Variants in DCTN1 observed in about 807,000 individuals in gnomAD.
DCTN1 encodes the protein 150 kDa dynein-associated polypeptide.
DCTN1 carries 61 observed loss-of-function variants against 161.2 expected under a neutral mutation model. The observed-to-expected ratio is 0.38, with a 90% CI of 0.31 to 0.47. The LOEUF is 0.47. Among genes scored for constraint, DCTN1 ranks in the 20% least tolerant of loss-of-function variants. The pLI, the probability that DCTN1 is intolerant of heterozygous loss-of-function variation, is 0.99. For missense variants in DCTN1, 1,404 were observed against 1,623.7 expected (o/e 0.86, Z 2.33); for synonymous variants, 653 against 632.4 (o/e 1.03, Z -0.49).
At chr2:74,391,782 G>T (rs1472698338) in intron 1 of DCTN1, 1 of 453,498 alleles carries the variant, frequency 2.2e-6, no homozygotes, top group Non-Finnish European at 4.4e-6. Flanking sequence ...TGGCAGAGTC[G>T]CGCCTCCGTA....
intron 16 of DCTN1, 114 bp downstream of exon 16, chr2:74,368,614 A>T: frequency 6.9e-7 from 1 of 1,443,644 alleles, no homozygotes; most frequent in African/African-American, 1.4e-5. Flanking sequence ...TTCCTCCACT[A>T]TACCATAAAC....
At chr2:74,389,984 T>G (rs948349032) in intron 1 of DCTN1, among the ~76,000 whole-genome samples, 2 of 152,202 alleles carry the variant, frequency 1.3e-5, no homozygotes, top group Non-Finnish European at 2.9e-5. Context: ...TACACCCATC[T>G]GCCCGACATC....
At position 74,371,083 on chromosome 2, in the gene DCTN1, C is replaced by A. The variant is rs759719326; in HGVS notation, c.739G>T (p.Glu247Ter). 1 of 1,614,228 alleles carries A rather than the reference C, an allele frequency of 6.2e-7. No individual in the cohort carries two copies. Among genetic ancestry groups the A allele is most frequent in the South Asian group, 1.1e-5 (1 of 91,084 alleles). ...KRAEDKAKLK[E>*]LEKHKIQLEQ... Reference sequence around the variant, plus strand: ...AGCTGGATTTTGTGTTTCTCCAGCTCTTTTAGCTTTGCTTTGTCTTCTGCC... The same window carrying A: ...AGCTGGATTTTGTGTTTCTCCAGCTATTTTAGCTTTGCTTTGTCTTCTGCC... Residue 247 changes from glutamate to a stop codon, truncating the protein, a stop_gained, in exon 9 of 32, where the codon GAG becomes TAG. Coordinates refer to ENST00000628224, the MANE Select transcript of DCTN1 (RefSeq NM_004082.5). LOFTEE classifies it high-confidence loss of function.
intron 1 of DCTN1, chr2:74,385,590 C>T (rs1454643629): frequency 1.3e-5 from 2 of 152,234 alleles, no homozygotes; most frequent in African/African-American, 4.8e-5. Context: ...GCCGGCCACT[C>T]CCCAAAAGCA....
At chr2:74,372,081 C>T (rs1394052145) in intron 7 of DCTN1, 3 of 328,162 alleles carry the variant, frequency 9.1e-6, no homozygotes, top group Non-Finnish European at 1.8e-5. Flanking sequence ...CCCTAGAACC[C>T]CCATCTATGA....
Position 74,365,621 on chromosome 2 carries a change from G to C in DCTN1, c.2923C>G (p.Leu975Val). Residue 975 changes from leucine to valine, a missense_variant, in exon 25 of 32, where the codon CTC becomes GTC. Leu to Val is a conservative substitution (Grantham distance 32, BLOSUM62 1). Coordinates refer to ENST00000628224, the MANE Select transcript of DCTN1 (RefSeq NM_004082.5). ...GCACTGTCCAACTTCTTCTCCAGGA[G>C]GCTCAGCCGCACATTGGCCTCACTT... ...ELSEANVRLS[L>V]LEKKLDSAAK... 6.2e-7 allele frequency: 1 copy of C among 1,614,138 alleles called. No individual in the cohort carries two copies. The highest frequency in any genetic ancestry group is 8.5e-7 in the Non-Finnish European group (1 of 1,180,034).
At chr2:74,380,504 C>T (rs1191101680), upstream of DCTN1, 2 of 473,864 alleles carry the variant, frequency 4.2e-6, no homozygotes, top group Admixed American at 4.7e-5. Flanking sequence ...CTCACCATCA[C>T]TGTTCCCCTC....
At chr2:74,380,387 C>T, upstream of DCTN1, 1 of 507,240 alleles carries the variant, frequency 2.0e-6, no homozygotes. Context: ...TCACGTGGGC[C>T]AGAAACTAAG....
rs759266125 is a variant in DCTN1, at chr2:74,366,540, G to C, written c.2547C>G (p.Ala849=). The change falls in exon 22 of 32, where the codon GCC becomes GCG. Residue 849 remains alanine, a synonymous_variant. Transcript: ENST00000628224. Reference sequence around the variant, plus strand: ...TCTCTGCCAGTGGGGCAATGAGCTGGGCAGCAGCAGCTGCCACCTCCTGCA... The same window carrying C: ...TCTCTGCCAGTGGGGCAATGAGCTGCGCAGCAGCAGCTGCCACCTCCTGCA... ...AVLQEVAAAA[A]QLIAPLAENE... is the part of the protein sequence containing the mutation. 6.2e-7 allele frequency: 1 copy of C among 1,613,896 alleles called. No individual in the cohort carries two copies. Among genetic ancestry groups the C allele is most frequent in the East Asian group, 2.2e-5 (1 of 44,896 alleles).
At chr2:74,382,563 T>C (rs144599487), upstream of DCTN1, among the ~76,000 whole-genome samples, 93 of 140,878 alleles carry the variant, frequency 6.6e-4, no homozygotes, top group African/African-American at 2.4e-3. Flanking sequence ...GTCGCACCAC[T>C]GCACTCCAGC....
rs1674474107 is a variant in DCTN1, at chr2:74,367,077, C to T, written c.2284G>A (p.Val762Met). 1 of 1,614,256 alleles carries T rather than the reference C, an allele frequency of 6.2e-7. No individual in the cohort carries two copies. The highest frequency in any genetic ancestry group is 8.5e-7 in the Non-Finnish European group (1 of 1,180,052). The change falls in exon 20 of 32, where the codon GTG becomes ATG. Residue 762 changes from valine (V) to methionine (M), a missense_variant. Physicochemically the swap from Val to Met is conservative, Grantham distance 21. Around this residue, in one of 9 missense-constraint regions of DCTN1, gnomAD observed 475 missense variants for 489.8 expected, o/e 0.97. Transcript: ENST00000628224. Reference sequence around the variant, plus strand: ...AAGGCACGCAGCCGTCCTACCTCCACACTCATGCAGTCCAGAGCACTCTGC... The same window carrying T: ...AAGGCACGCAGCCGTCCTACCTCCATACTCATGCAGTCCAGAGCACTCTGC... ...FTQSALDCMSVEVGRLRAFLQ... is the reference protein window; with the variant it reads ...FTQSALDCMSMEVGRLRAFLQ...
chr2:74,373,232 C>A (rs984706022), intron 6 of DCTN1: 13 of 510,796 alleles, frequency 2.5e-5, no homozygotes, highest in African/African-American at 2.3e-4. Context: ...AGAAGTCCAT[C>A]TCTAGGCTGA....
intron 26 of DCTN1, chr2:74,364,543 A>C (rs1208545494): frequency 5.4e-6 from 1 of 185,710 alleles, no homozygotes; most frequent in African/African-American, 2.4e-5. Context: ...CTAGGTGAGG[A>C]GCCCTGACTA....
In DCTN1 at chr2:74,377,991, C is replaced by T. The variant is rs371652496; in HGVS notation, c.279+9G>A. On this transcript the variant is annotated intron_variant, in intron 2 of 31. Coordinates refer to ENST00000628224, the MANE Select transcript of DCTN1 (RefSeq NM_004082.5). ...CACATGCACAGACACAAAAGAAGGG[C>T]GTGAATACCTGGGACTGGCGCACAA... 14 of 1,613,874 alleles carry T rather than the reference C, an allele frequency of 8.7e-6. No homozygotes were observed. Among genetic ancestry groups the T allele is most frequent in the South Asian group, 5.5e-5 (5 of 91,044 alleles).
chr2:74,380,634 C>A, upstream of DCTN1: 1 of 463,518 alleles, frequency 2.2e-6, no homozygotes, highest in South Asian at 1.6e-5. Flanking sequence ...TTCTGGTGCT[C>A]TTCTCTCTCC....
In DCTN1 at chr2:74,370,338, C is replaced by A; in HGVS notation, c.1135G>T (p.Asp379Tyr). The change falls in exon 12 of 32, where the codon GAT becomes TAT. Residue 379 changes from aspartate (D) to tyrosine (Y), a missense_variant. Physicochemically the swap from Asp to Tyr is radical, Grantham distance 160. Coordinates refer to ENST00000628224, the MANE Select transcript of DCTN1 (RefSeq NM_004082.5). The surrounding 1 kb of genome is among the most constrained non-coding windows in gnomAD (Gnocchi z 4.4). ...RLKDALVRMR[D>Y]LSSSEKQEHV... ...TCCTGCTTCTCTGAGGAAGAAAGAT[C>A]CCGCATCCTGCAGGGATGTGAGGAA... The A allele has an allele frequency of 6.2e-7, 1 of 1,613,996 alleles. No homozygotes were observed. Among genetic ancestry groups the A allele is most frequent in the South Asian group, 1.1e-5 (1 of 91,080 alleles).
intron 5 of DCTN1, 105 bp from the exon 6 acceptor site, chr2:74,374,445 G>A: frequency 6.3e-7 from 1 of 1,581,302 alleles, no homozygotes; most frequent in Admixed American, 1.8e-5. Context: ...GGGAGGGAGG[G>A]CAAGAGACCG....
At chr2:74,374,530 G>C (rs754605793) in intron 5 of DCTN1, 190 bp from the exon 6 acceptor site, 2 of 1,412,688 alleles carry the variant, frequency 1.4e-6, no homozygotes. Context: ...CTCCCGGTGC[G>C]GCAGCTTCCC....
intron 31 of DCTN1, 102 bp downstream of exon 31, chr2:74,361,950 G>A (rs1266770219): frequency 2.3e-6 from 3 of 1,283,160 alleles, no homozygotes; most frequent in African/African-American, 2.9e-5. Flanking sequence ...GTATGCAGTT[G>A]TTAGACCTGA....
Sources: gnomAD v4.1 joint callset for allele counts (sites outside exome capture counted in the v4.1 genomes callset) on GRCh38, gnomAD v4.1.1 for gene constraint, gnomAD v4.1.1 regional missense constraint, Gnocchi (gnomAD v3.1) non-coding constraint, MANE v1.5 for transcripts, NCBI Gene and HGNC (gene_info 2026-07-23, HGNC 2026-07-21) for gene names.